The following TMEM131L variants were observed in gnomAD, a reference collection of about 807,000 sequenced individuals.
The protein encoded by TMEM131L is transmembrane protein 131-like.
TMEM131L carries 54 observed loss-of-function variants against 192.2 expected under a neutral mutation model. The observed-to-expected ratio is 0.28, with a 90% CI of 0.23 to 0.35. TMEM131L has a LOEUF of 0.35. Among genes scored for constraint, TMEM131L ranks in the 10% least tolerant of loss-of-function variants. The pLI, the probability that TMEM131L is intolerant of heterozygous loss-of-function variation, is 1.00. For missense variants in TMEM131L, 1,888 were observed against 1,972.9 expected, an observed-to-expected ratio of 0.96 and a Z score of 0.82; for synonymous variants, 701 against 704.9, an observed-to-expected ratio of 0.99 and a Z score of 0.09.
chr4:153,588,861 C>T (rs1309605273), intron 15 of TMEM131L, 29 bp from the exon 16 acceptor site: 3 of 1,147,792 alleles, frequency 2.6e-6, no homozygotes, highest in Non-Finnish European at 3.9e-6. Context: ...TTCTGTAAAT[C>T]TAAATATGGA....
At chr4:153,469,614 A>G (rs1403930329) in intron 2 of TMEM131L, among the ~76,000 whole-genome samples, 1 of 152,128 alleles carries the variant, frequency 6.6e-6, no homozygotes, top group African/African-American at 2.4e-5. Flanking sequence ...TGAAATAGGA[A>G]CTTTAGAGGA....
intron 3 of TMEM131L, among the ~76,000 whole-genome samples, chr4:153,505,044 A>C (rs541539429): frequency 1.3e-5 from 2 of 151,390 alleles, no homozygotes; most frequent in South Asian, 4.2e-4. Flanking sequence ...TCTTCTCCCT[A>C]TGTCTTCACA....
chr4:153,498,311 G>A (rs906109588), intron 3 of TMEM131L, among the ~76,000 whole-genome samples: 2 of 152,192 alleles, frequency 1.3e-5, no homozygotes, highest in Non-Finnish European at 1.5e-5. Flanking sequence ...TTTCCTAAAA[G>A]CCCACTTACG....
intron 29 of TMEM131L, 25 bp from the exon 30 acceptor site, chr4:153,626,122 T>C: frequency 6.6e-7 from 1 of 1,506,882 alleles, no homozygotes. Flanking sequence ...TTGAAACTTG[T>C]GATAATGTGT....
chr4:153,609,904 C>T (rs1241525680), intron 25 of TMEM131L, among the ~76,000 whole-genome samples: 13 of 152,102 alleles, frequency 8.5e-5, no homozygotes, highest in East Asian at 3.8e-4. Context: ...TTTTCTGGTA[C>T]GGACCCTGTC....
In TMEM131L at chr4:153,466,500, C is replaced by T. The variant is rs1185547248; in HGVS notation, c.103C>T (p.Pro35Ser). 7.1e-7 allele frequency: 1 copy of T among 1,406,508 alleles called. No individual in the cohort carries two copies. The highest frequency in any genetic ancestry group is 2.4e-5 in the Admixed American group (1 of 42,292). 87.1% of individuals were successfully genotyped at this position (1,406,508 alleles called of 1,614,324 possible). The change falls in exon 1 of 35, where the codon CCG (proline) becomes TCG (serine). Residue 35 changes from proline (P) to serine (S), a missense_variant. Physicochemically the swap from Pro to Ser is moderately conservative, Grantham distance 74. Coordinates refer to ENST00000409959, the MANE Select transcript of TMEM131L (RefSeq NM_001131007.2). ...CCAGGTCCTGCTGCCCTGCTGTCGC[C>T]CGGGAGGGGCTCAGGGACAAGGTCA... is the stretch of plus-strand genomic sequence containing the variant. ...VFQVLLPCCR[P>S]GGAQGQAIEP...
At chr4:153,520,364 G>A (rs1366775541) in intron 3 of TMEM131L, among the ~76,000 whole-genome samples, 1 of 152,154 alleles carries the variant, frequency 6.6e-6, no homozygotes, top group Admixed American at 6.5e-5. Context: ...CCAGCTACTT[G>A]GAGGCTGAGG....
chr4:153,604,040 CT>C lies in TMEM131L; in HGVS notation c.3029del (p.Leu1010ArgfsTer30). 1 of 1,614,178 alleles carries C rather than the reference CT, an allele frequency of 6.2e-7. No homozygotes were observed. On this transcript the variant is annotated frameshift_variant, in exon 25 of 35. Coordinates refer to ENST00000409959, the MANE Select transcript of TMEM131L (RefSeq NM_001131007.2). LOFTEE classifies it high-confidence loss of function. ...TACTGAGGAAAAACAGACTTCACCC[CT>C]GGGCAGCTCACTGCCTGCTGCTAAA... ...TTTEEKQTSP[L>X]GSSLPAAKED...
chr4:153,633,842 A>G (rs984553015), intron 32 of TMEM131L, among the ~76,000 whole-genome samples: 5 of 152,240 alleles, frequency 3.3e-5, no homozygotes, highest in African/African-American at 1.2e-4. Flanking sequence ...TTTTAATGGA[A>G]CATGTTTAAG....
intron 2 of TMEM131L, 88 bp downstream of exon 2, chr4:153,467,369 G>T (rs982604527): frequency 1.8e-6 from 2 of 1,140,710 alleles, no homozygotes; most frequent in African/African-American, 1.6e-5. Context: ...CCCTGTCCAA[G>T]CGGCACAGGC....
intron 27 of TMEM131L, among the ~76,000 whole-genome samples, chr4:153,621,094 G>A (rs1217247700): frequency 6.6e-6 from 1 of 152,080 alleles, no homozygotes; most frequent in Non-Finnish European, 1.5e-5. Flanking sequence ...TGACCATTTT[G>A]TATCTTTCCT....
At chr4:153,522,924 C>G (rs574764541) in intron 3 of TMEM131L, among the ~76,000 whole-genome samples, 1 of 152,300 alleles carries the variant, frequency 6.6e-6, no homozygotes, top group African/African-American at 2.4e-5. Flanking sequence ...ACTGGGTGAT[C>G]TAGACCAGGC....
chr4:153,584,781 C>A, intron 11 of TMEM131L, 54 bp from the exon 12 acceptor site: 3 of 1,273,676 alleles, frequency 2.4e-6, no homozygotes, highest in Non-Finnish European at 3.4e-6. Flanking sequence ...TTTGTTCAGG[C>A]TTAATGAAAG....
chr4:153,635,416 C>T lies in TMEM131L; in HGVS notation c.4418-16C>T, dbSNP rs751375016. 20 of 1,611,938 alleles carry T rather than the reference C, an allele frequency of 1.2e-5. No individual in the cohort carries two copies. The highest frequency in any genetic ancestry group is 1.7e-5 in the Non-Finnish European group (20 of 1,178,492). On this transcript the variant is annotated splice_polypyrimidine_tract_variant and intron_variant, in intron 33 of 34. Transcript: ENST00000409959. ...GAAAATGTTTACCTATGATGATATT[C>T]TCCCATTCTTTGTAGAAAACATGAA...
intron 8 of TMEM131L, 24 bp from the exon 9 acceptor site, chr4:153,581,383 T>C (rs755542243): frequency 2.7e-6 from 4 of 1,495,736 alleles, no homozygotes; most frequent in Non-Finnish European, 3.6e-6. Context: ...TTTTTTCCTT[T>C]TTTCCTCCTC....
intron 29 of TMEM131L, among the ~76,000 whole-genome samples, chr4:153,625,271 C>T (rs1733753606): frequency 6.6e-6 from 1 of 151,906 alleles, no homozygotes; most frequent in South Asian, 2.1e-4. Flanking sequence ...ACCAGCTGGG[C>T]GTGGTGACGA....
chr4:153,480,828 A>G lies in TMEM131L; in HGVS notation c.239+6940A>G, dbSNP rs565885519. On this transcript the variant is annotated intron_variant, in intron 3 of 34. Transcript: ENST00000409959. ...TCTCCTTTAGCTTGCAGGTGCCACA[A>G]AATTACTGTGTCCTGAACTGAGCTT... Among the ~76,000 whole-genome samples, 12 of 152,300 alleles carry G rather than the reference A, an allele frequency of 7.9e-5. No homozygotes were observed. In the South Asian group the frequency reaches 1.2e-3, roughly 16 times the overall value.
chr4:153,634,875 T>C (rs1734463123), intron 33 of TMEM131L, among the ~76,000 whole-genome samples: 1 of 152,246 alleles, frequency 6.6e-6, no homozygotes, highest in Admixed American at 6.5e-5. Flanking sequence ...ATACTAGAGC[T>C]GCCCTTTCAG....
chr4:153,636,343 C>A lies in TMEM131L; in HGVS notation c.4600C>A (p.Leu1534Ile). The change falls in exon 35 of 35, where the codon CTT (leucine) becomes ATT (isoleucine). Residue 1534 changes from leucine (L) to isoleucine (I), a missense_variant. Physicochemically the swap from Leu to Ile is conservative, Grantham distance 5. Transcript: ENST00000409959. ...STRSLSPMSG[L>I]FGSIWAPQSD... ...CCGAAGCTTGTCTCCAATGTCTGGA[C>A]TTTTTGGTTCCATCTGGGCCCCGCA... is the stretch of plus-strand genomic sequence containing the variant. 6.2e-7 allele frequency: 1 copy of A among 1,614,120 alleles called. No individual in the cohort carries two copies. The highest frequency in any genetic ancestry group is 8.5e-7 in the Non-Finnish European group (1 of 1,180,022).
Sources: allele counts gnomAD v4.1 joint callset (sites outside exome capture counted in the v4.1 genomes callset), GRCh38; gene constraint gnomAD v4.1.1; transcripts MANE v1.5; gene names NCBI Gene and HGNC (gene_info 2026-07-23, HGNC 2026-07-21).